The following RAD51B variants were observed in gnomAD, a reference collection of about 807,000 sequenced individuals.
RAD51B encodes RAD51 paralog B.
In RAD51B, 38 loss-of-function variants were observed where a neutral mutation model predicts 42.2. The ratio of observed to expected loss-of-function variants is 0.90; its 90% CI spans 0.70 to 1.18. The LOEUF is 1.18. Among genes scored for constraint, RAD51B ranks in the 50% most tolerant of loss-of-function variants. The pLI is 0.00. For synonymous variants in RAD51B, 154 were observed against 145.2 expected (o/e 1.06, Z -0.43); for missense variants, 373 against 400.7 (o/e 0.93, Z 0.59).
At position 68,611,202 on chromosome 14, in the gene RAD51B, G is replaced by A. The variant is rs1015310452; in HGVS notation, c.1233G>A (p.Trp411Ter). ...CTTCTGCTCTTCCTCCTACAAACTG[G>A]GCAACTGGAATCAGAACAGAGACTT... The change falls in exon 11 of 11, where the codon TGG (tryptophan) becomes TGA (stop). Residue 411 changes from tryptophan (W) to a stop codon, truncating the protein, a stop_gained. Coordinates refer to the RAD51B transcript ENST00000487861. LOFTEE classifies it low-confidence loss of function (END_TRUNC). 1.7e-5 allele frequency: 12 copies of A among 702,808 alleles called. No homozygotes were observed. The highest frequency in any genetic ancestry group is 2.6e-5 in the Non-Finnish European group (10 of 385,010). 43.5% of individuals were successfully genotyped at this position (702,808 alleles called of 1,614,324 possible). A position where few individuals can be genotyped will look rare whatever the true frequency, so the allele number is the denominator to read the frequency against.
At chr14:67,935,620 G>T (rs1018230540) in intron 7 of RAD51B, among the ~76,000 whole-genome samples, 1 of 152,162 alleles carries the variant, frequency 6.6e-6, no homozygotes, top group South Asian at 2.1e-4. Flanking sequence ...TCCTGCTTTG[G>T]CCTCCCAAAG....
At chr14:68,049,057 A>G (rs2076349218) in intron 7 of RAD51B, among the ~76,000 whole-genome samples, 2 of 152,178 alleles carry the variant, frequency 1.3e-5, no homozygotes, top group East Asian at 1.9e-4. Context: ...TGTCCTTTGT[A>G]GGGACATGGA....
At chr14:68,321,291 G>A (rs538576417) in intron 8 of RAD51B, among the ~76,000 whole-genome samples, 1 of 152,082 alleles carries the variant, frequency 6.6e-6, no homozygotes, top group Non-Finnish European at 1.5e-5. Flanking sequence ...CAGCCCAGTC[G>A]CCCACTCCCC....
At chr14:68,122,794 A>G (rs1239136862) in intron 7 of RAD51B, among the ~76,000 whole-genome samples, 2 of 152,250 alleles carry the variant, frequency 1.3e-5, no homozygotes, top group Non-Finnish European at 2.9e-5. Context: ...ATTGTCATCA[A>G]TAGGAGACTG....
chr14:67,926,160 T>C (rs2044499674), intron 7 of RAD51B, among the ~76,000 whole-genome samples: 1 of 152,168 alleles, frequency 6.6e-6, no homozygotes. Flanking sequence ...CCTCAGAAAA[T>C]GGATTTTCTT....
intron 7 of RAD51B, among the ~76,000 whole-genome samples, chr14:67,975,913 C>A (rs2140260532): frequency 6.6e-6 from 1 of 152,332 alleles, no homozygotes; most frequent in South Asian, 2.1e-4. Flanking sequence ...TCCCTAATAT[C>A]ATGTTCAGTT....
At chr14:68,575,491 C>T (rs1031372950) in intron 10 of RAD51B, among the ~76,000 whole-genome samples, 1 of 152,194 alleles carries the variant, frequency 6.6e-6, no homozygotes, top group African/African-American at 2.4e-5. Flanking sequence ...TGGCCTCTTC[C>T]CTGGGTCTTA....
At chr14:67,929,998 A>G (rs960704764) in intron 7 of RAD51B, among the ~76,000 whole-genome samples, 7 of 152,072 alleles carry the variant, frequency 4.6e-5, no homozygotes, top group African/African-American at 7.2e-5. Flanking sequence ...TTTATCTGAT[A>G]TAAGTGTAGG....
At chr14:68,069,839 A>G (rs962387319) in intron 7 of RAD51B, among the ~76,000 whole-genome samples, 3 of 152,128 alleles carry the variant, frequency 2.0e-5, no homozygotes, top group Non-Finnish European at 2.9e-5. Context: ...AGGTAATTCT[A>G]TGTTAAATTC....
chr14:68,162,758 C>G (rs1012866442), intron 7 of RAD51B, among the ~76,000 whole-genome samples: 5 of 152,146 alleles, frequency 3.3e-5, no homozygotes, highest in Non-Finnish European at 5.9e-5. Flanking sequence ...GCACTCCAGC[C>G]TGGATGACAG....
At chr14:68,393,407 A>G (rs187208037) in intron 8 of RAD51B, among the ~76,000 whole-genome samples, 29 of 152,312 alleles carry the variant, frequency 1.9e-4, no homozygotes, top group Admixed American at 1.4e-3. Flanking sequence ...CTTGTCCTCT[A>G]TTCTCATACT....
chr14:68,525,333 G>T (rs1424851831), intron 10 of RAD51B, among the ~76,000 whole-genome samples: 1 of 152,230 alleles, frequency 6.6e-6, no homozygotes, highest in East Asian at 1.9e-4. Flanking sequence ...CAGACTTTTG[G>T]CCTCCAGAAT....
chr14:68,647,365 C>T (rs1420567673), intron 10 of RAD51B, among the ~76,000 whole-genome samples: 1 of 152,178 alleles, frequency 6.6e-6, no homozygotes, highest in East Asian at 1.9e-4. Flanking sequence ...GAATGCCTCC[C>T]ATTTTGTGCC....
At chr14:67,871,886 A>G (rs932841921) in intron 5 of RAD51B, among the ~76,000 whole-genome samples, 11 of 152,178 alleles carry the variant, frequency 7.2e-5, no homozygotes, top group African/African-American at 2.4e-4. Context: ...AAAATTCAAC[A>G]GCCCTTCATG....
rs1188037340 is a variant in RAD51B at position 68,184,631 on chromosome 14, A to AAC, written c.757-107252_757-107251insCA. ...TCTAAAAAAAAAAAAAAACCAAAAA[A>AAC]AAAAACAGGAAGAAGAAGAAGGAGA... is the stretch of plus-strand genomic sequence containing the variant. On this transcript the variant is annotated intron_variant, in intron 7 of 10. Coordinates refer to ENST00000471583, the MANE Select transcript of RAD51B (RefSeq NM_133510.4). Among the ~76,000 whole-genome samples the AAC allele has an allele frequency of 5.2e-4, 78 of 151,396 alleles. 1 individual carries two copies. The highest frequency in any genetic ancestry group is 1.9e-3 in the African/African-American group (77 of 41,208).
chr14:67,948,380 T>G (rs940284238), intron 7 of RAD51B, among the ~76,000 whole-genome samples: 1 of 152,168 alleles, frequency 6.6e-6, no homozygotes, highest in Non-Finnish European at 1.5e-5. Flanking sequence ...AGAGTAGAAA[T>G]ACTTGCAACA....
chr14:68,474,370 CT>C (rs1231548497), intron 10 of RAD51B, among the ~76,000 whole-genome samples: 2 of 152,220 alleles, frequency 1.3e-5, no homozygotes, highest in Admixed American at 1.3e-4. Context: ...AGGCAGTCTT[CT>C]CATGCCTTCT....
intron 10 of RAD51B, among the ~76,000 whole-genome samples, chr14:68,581,195 G>A (rs1457367315): frequency 6.6e-6 from 1 of 152,108 alleles, no homozygotes; most frequent in Non-Finnish European, 1.5e-5. Flanking sequence ...CTTTATGATG[G>A]TGCAAAAGTG....
At chr14:68,076,072 G>A (rs1054185609) in intron 7 of RAD51B, among the ~76,000 whole-genome samples, 4 of 152,216 alleles carry the variant, frequency 2.6e-5, no homozygotes, top group Non-Finnish European at 5.9e-5. Flanking sequence ...CATTTCATGG[G>A]GAAATCATGG....
Sources: gnomAD v4.1 joint callset for allele counts (sites outside exome capture counted in the v4.1 genomes callset) on GRCh38, gnomAD v4.1.1 for gene constraint, MANE v1.5 for transcripts, NCBI Gene and HGNC (gene_info 2026-07-23, HGNC 2026-07-21) for gene names.